The following SH3BGRL3 variants were observed in gnomAD, a reference collection of about 807,000 sequenced individuals.
SH3BGRL3 encodes the protein SH3 domain-binding glutamic acid-rich-like protein 3.
In SH3BGRL3, 8 loss-of-function variants were observed where a neutral mutation model predicts 11.9. The observed-to-expected ratio is 0.67, with a 90% CI of 0.40 to 1.22. The LOEUF (loss-of-function observed/expected upper bound fraction) is 1.22. Ranked by LOEUF, SH3BGRL3 falls within the 50% of genes most tolerant of loss-of-function variation. The pLI, the probability that SH3BGRL3 is intolerant of heterozygous loss-of-function variation, is 0.01. For missense variants in SH3BGRL3, 119 were observed against 120.1 expected (o/e 0.99, Z 0.04); for synonymous variants, 55 against 52.3 (o/e 1.05, Z -0.22).
chr1:26,280,956 T>TTTGGGGGGGGGGGAGGGGGGGGG, intron 2 of SH3BGRL3, 24 bp downstream of exon 2: 1 of 764,934 alleles, frequency 1.3e-6, no homozygotes, highest in Non-Finnish European at 2.1e-6. Flanking sequence ...GACGGGGGGG[T>TTTGGGGGGGGGGGAGGGGGGGGG]GGGGGGAGTG....
chr1:26,280,956 TGGG>T lies in SH3BGRL3; in HGVS notation c.216+28_216+30del, dbSNP rs1557676101. 5.2e-6 allele frequency: 4 copies of T among 764,952 alleles called. No homozygotes were observed. In the South Asian group the frequency reaches 5.3e-5, roughly 10 times the overall value. The allele number at this position is 764,952 out of a possible 1,614,324, so 47.4% of individuals were successfully genotyped here. ...GGGTATGGGCTGGGGGACGGGGGGG[TGGG>T]GGGAGTGTTGGAAGAGGACTCTAGC... On this transcript the variant is annotated intron_variant, in intron 2 of 2. Coordinates refer to ENST00000270792, the MANE Select transcript of SH3BGRL3 (RefSeq NM_031286.4).
At chr1:26,280,656 G>A (rs1248720044) in intron 1 of SH3BGRL3, 109 bp from the exon 2 acceptor site, 3 of 1,335,592 alleles carry the variant, frequency 2.2e-6, no homozygotes, top group African/African-American at 1.4e-5. Context: ...AGTGTGGAGG[G>A]GAATGGGGGG....
At chr1:26,280,267 C>A in intron 1 of SH3BGRL3, 64 bp downstream of exon 1, 1 of 1,427,720 alleles carries the variant, frequency 7.0e-7, no homozygotes. Context: ...GCTTTGGACC[C>A]TAGCGCCCGG....
At chr1:26,280,275 CG>C in intron 1 of SH3BGRL3, 72 bp downstream of exon 1, 1 of 1,416,914 alleles carries the variant, frequency 7.1e-7, no homozygotes, top group Non-Finnish European at 9.2e-7. Context: ...CCCTAGCGCC[CG>C]GGACCCACCC....
chr1:26,280,138 C>T lies in SH3BGRL3; in HGVS notation c.-18C>T, dbSNP rs1557675419. On this transcript the variant is annotated 5_prime_UTR_variant, in exon 1 of 3. Coordinates refer to ENST00000270792, the MANE Select transcript of SH3BGRL3 (RefSeq NM_031286.4). ...TACCGCCGCCCTCTGCCCGCCGGCC[C>T]GTCTGTCTACCCCCAGCATGAGCGG... The T allele has an allele frequency of 1.3e-6, 2 of 1,562,292 alleles. No homozygotes were observed. Among genetic ancestry groups the T allele is most frequent in the Non-Finnish European group, 1.7e-6 (2 of 1,154,892 alleles).
In SH3BGRL3 at chr1:26,280,203, A is replaced by G. The variant is rs2072949351; in HGVS notation, c.48A>G (p.Glu16=). 2.6e-6 allele frequency: 4 copies of G among 1,541,808 alleles called. No homozygotes were observed. The East Asian group carries it at 9.9e-5, about 38-fold the overall frequency. The change falls in exon 1 of 3, where the codon GAA becomes GAG. Residue 16 remains glutamate, a splice_region_variant and synonymous_variant. Transcript: ENST00000270792. ...GCACGTCGGTCACCGGCTCCCGCGAAGTAAGTGCGCGCCCGGACTGGCGCT... is the reference window on the plus strand; with the variant it reads ...GCACGTCGGTCACCGGCTCCCGCGAGGTAAGTGCGCGCCCGGACTGGCGCT... ...VYSTSVTGSR[E]IKSQQSEVTR...
rs1472307962 is a variant in SH3BGRL3, at chr1:26,280,209, T to G, written c.48+6T>G. 7 of 1,531,918 alleles carry G rather than the reference T, an allele frequency of 4.6e-6. No individual in the cohort carries two copies. In the Admixed American group the frequency reaches 1.3e-4, roughly 28 times the overall value. The allele number at this position is 1,531,918 out of a possible 1,614,324, so 94.9% of individuals were successfully genotyped here. A position where few individuals can be genotyped will look rare whatever the true frequency, so the allele number is the denominator to read the frequency against. On this transcript the variant is annotated splice_donor_region_variant and intron_variant, in intron 1 of 2. Coordinates refer to ENST00000270792, the MANE Select transcript of SH3BGRL3 (RefSeq NM_031286.4). ...CGGTCACCGGCTCCCGCGAAGTAAG[T>G]GCGCGCCCGGACTGGCGCTGGGGGA... is the stretch of plus-strand genomic sequence containing the variant.
rs1336951162 is a variant in SH3BGRL3, at chr1:26,280,098, C to T, written c.-58C>T. The T allele has an allele frequency of 1.9e-6, 3 of 1,539,302 alleles. No individual in the cohort carries two copies. The highest frequency in any genetic ancestry group is 2.6e-6 in the Non-Finnish European group (3 of 1,139,308). On this transcript the variant is annotated 5_prime_UTR_variant, in exon 1 of 3. Coordinates refer to ENST00000270792, the MANE Select transcript of SH3BGRL3 (RefSeq NM_031286.4). Reference sequence around the variant, plus strand: ...GCACGGCGGCGGCGTCGTCTCCCGGCAGTGCAGCTGCCGCTACCGCCGCCC... The same window carrying T: ...GCACGGCGGCGGCGTCGTCTCCCGGTAGTGCAGCTGCCGCTACCGCCGCCC...
At chr1:26,280,405 C>A (rs1451845412) in intron 1 of SH3BGRL3, among the ~76,000 whole-genome samples, 1 of 152,026 alleles carries the variant, frequency 6.6e-6, no homozygotes, top group South Asian at 2.1e-4. Flanking sequence ...CCTTTGCAGC[C>A]GCGGCATGAA....
chr1:26,280,603 C>T (rs1426378986), intron 1 of SH3BGRL3, among the ~76,000 whole-genome samples, 162 bp from the exon 2 acceptor site: 1 of 151,664 alleles, frequency 6.6e-6, no homozygotes, highest in African/African-American at 2.4e-5. Flanking sequence ...CCACCTCAAG[C>T]CTGACTCATC....
In SH3BGRL3 at chr1:26,280,836, C is replaced by A; in HGVS notation, c.120C>A (p.Ile40=). 1 of 1,614,058 alleles carries A rather than the reference C, an allele frequency of 6.2e-7. No individual in the cohort carries two copies. The highest frequency in any genetic ancestry group is 1.1e-5 in the South Asian group (1 of 91,086). ...GCATCCAATACCAGCTAGTGGACAT[C>A]TCCCAGGACAACGCCCTGAGGGATG... ...GKRIQYQLVD[I]SQDNALRDEM... The change falls in exon 2 of 3, where the codon ATC becomes ATA. Residue 40 remains isoleucine, a synonymous_variant. Transcript: ENST00000270792.
chr1:26,280,808 A>G lies in SH3BGRL3; in HGVS notation c.92A>G (p.Lys31Arg), dbSNP rs2072971718. Reference protein sequence around the residue: ...QSEVTRILDGKRIQYQLVDIS... With the variant: ...QSEVTRILDGRRIQYQLVDIS... ...GAGGTGACCCGAATCCTGGATGGGA[A>G]GCGCATCCAATACCAGCTAGTGGAC... Residue 31 changes from lysine (K) to arginine (R), a missense_variant, in exon 2 of 3, where the codon AAG becomes AGG. Coordinates refer to ENST00000270792, the MANE Select transcript of SH3BGRL3 (RefSeq NM_031286.4). 6.2e-7 allele frequency: 1 copy of G among 1,614,084 alleles called. No homozygotes were observed. Among genetic ancestry groups the G allele is most frequent in the South Asian group, 1.1e-5 (1 of 91,086 alleles).
At chr1:26,280,956 T>TGGGGGGCGGGGGGGGG in intron 2 of SH3BGRL3, 24 bp downstream of exon 2, 7 of 764,840 alleles carry the variant, frequency 9.2e-6, no homozygotes, top group South Asian at 1.3e-5. Context: ...GACGGGGGGG[T>TGGGGGGCGGGGGGGGG]GGGGGGAGTG....
chr1:26,280,201 GAAGT>G lies in SH3BGRL3; in HGVS notation c.48+3_48+6del, dbSNP rs1557675510. 6.5e-7 allele frequency: 1 copy of G among 1,544,120 alleles called. No individual in the cohort carries two copies. The highest frequency in any genetic ancestry group is 1.2e-5 in the South Asian group (1 of 83,438). On this transcript the variant is annotated splice_donor_variant and coding_sequence_variant, in exon 1 of 3. Coordinates refer to ENST00000270792, the MANE Select transcript of SH3BGRL3 (RefSeq NM_031286.4). LOFTEE classifies it high-confidence loss of function. ...CAGCACGTCGGTCACCGGCTCCCGC[GAAGT>G]AAGTGCGCGCCCGGACTGGCGCTGG...
At chr1:26,280,956 T>TGGGGGCCGGGGGGGGG in intron 2 of SH3BGRL3, 24 bp downstream of exon 2, 1 of 764,934 alleles carries the variant, frequency 1.3e-6, no homozygotes, top group Non-Finnish European at 2.1e-6. Context: ...GACGGGGGGG[T>TGGGGGCCGGGGGGGGG]GGGGGGAGTG....
chr1:26,281,325 A>C lies in SH3BGRL3; in HGVS notation c.*202A>C. 1.9e-6 allele frequency: 1 copy of C among 529,070 alleles called. No homozygotes were observed. The highest frequency in any genetic ancestry group is 3.4e-6 in the Non-Finnish European group (1 of 296,150). The allele number at this position is 529,070 out of a possible 1,614,324, so 32.8% of individuals were successfully genotyped here. A position where few individuals can be genotyped will look rare whatever the true frequency, so the allele number is the denominator to read the frequency against. ...CATCTAAAGGCAACATTCCTTACCC[A>C]TTAGTCTCAGAAATTGTCTTAAGCA... On this transcript the variant is annotated 3_prime_UTR_variant, in exon 3 of 3. Transcript: ENST00000270792.
rs375788103 is a variant in SH3BGRL3 at position 26,280,191 on chromosome 1, C to T, written c.36C>T (p.Thr12=). The change falls in exon 1 of 3, where the codon ACC becomes ACT. Residue 12 remains threonine, a synonymous_variant. Coordinates refer to ENST00000270792, the MANE Select transcript of SH3BGRL3 (RefSeq NM_031286.4). The part of the protein sequence containing the change: ...SGLRVYSTSV[T]GSREIKSQQS... ...TGCGCGTCTACAGCACGTCGGTCAC[C>T]GGCTCCCGCGAAGTAAGTGCGCGCC... 7.8e-4 allele frequency: 1,212 copies of T among 1,550,590 alleles called. 1 individual carries two copies. Among genetic ancestry groups the T allele is most frequent in the Non-Finnish European group, 1.0e-3 (1,155 of 1,151,708 alleles).
At position 26,280,155 on chromosome 1, in the gene SH3BGRL3, C is replaced by G; in HGVS notation, c.-1C>G. 2 of 1,566,430 alleles carry G rather than the reference C, an allele frequency of 1.3e-6. No homozygotes were observed. Among genetic ancestry groups the G allele is most frequent in the Non-Finnish European group, 8.6e-7 (1 of 1,157,690 alleles). Reference sequence around the variant, plus strand: ...CGCCGGCCCGTCTGTCTACCCCCAGCATGAGCGGCCTGCGCGTCTACAGCA... The same window carrying G: ...CGCCGGCCCGTCTGTCTACCCCCAGGATGAGCGGCCTGCGCGTCTACAGCA... On this transcript the variant is annotated 5_prime_UTR_variant, in exon 1 of 3. Coordinates refer to ENST00000270792, the MANE Select transcript of SH3BGRL3 (RefSeq NM_031286.4).
rs545424618 is a variant in SH3BGRL3 at position 26,280,711 on chromosome 1, C to A, written c.49-54C>A. 1.0e-5 allele frequency: 16 copies of A among 1,595,084 alleles called. No homozygotes were observed. The East Asian group carries it at 3.6e-4, about 36-fold the overall frequency. ...GCCTCTCTCACCCTGCCCAGCATTT[C>A]CCCCATAAATCCTCCAGCCTATCCA... On this transcript the variant is annotated intron_variant, in intron 1 of 2. Transcript: ENST00000270792.
Sources: allele counts gnomAD v4.1 joint callset (sites outside exome capture counted in the v4.1 genomes callset), GRCh38; gene constraint gnomAD v4.1.1; transcripts MANE v1.5; gene names NCBI Gene and HGNC (gene_info 2026-07-23, HGNC 2026-07-21).